SEMA6D: variants seen among roughly 807,000 people sequenced by gnomAD.
The protein encoded by SEMA6D is semaphorin 6D, also known as semaphorin-6D.
In SEMA6D, 35 loss-of-function variants were observed where a neutral mutation model predicts 106.6. The ratio of observed to expected loss-of-function variants is 0.33; its 90% CI spans 0.25 to 0.44. The LOEUF is 0.44. Ranked by LOEUF, SEMA6D falls within the 20% of genes least tolerant of loss-of-function variation. The probability of loss-of-function intolerance (pLI) is 1.00; values close to 1 mark genes in which losing one functional copy is unlikely to be tolerated. For synonymous variants in SEMA6D, 499 were observed against 487.7 expected (o/e 1.02, Z -0.31); for missense variants, 1,185 against 1,345.9 (o/e 0.88, Z 1.87).
intron 1 of SEMA6D, among the ~76,000 whole-genome samples, chr15:47,252,189 T>C (rs1479089917): frequency 1.3e-5 from 2 of 152,134 alleles, no homozygotes; most frequent in African/African-American, 4.8e-5. Context: ...AGTGCTGGGA[T>C]TACAGGCGTG....
intron 1 of SEMA6D, among the ~76,000 whole-genome samples, chr15:47,368,645 A>G (rs1351320894): frequency 1.3e-5 from 2 of 152,158 alleles, no homozygotes; most frequent in African/African-American, 4.8e-5. Context: ...ATTAGCCTTT[A>G]TTGAACTACA....
chr15:47,530,125 C>T (rs894868312), intron 3 of SEMA6D, among the ~76,000 whole-genome samples: 1 of 152,178 alleles, frequency 6.6e-6, no homozygotes, highest in Non-Finnish European at 1.5e-5. Context: ...TGAGAAGATG[C>T]TCTTTTGATG....
chr15:47,264,059 G>GC (rs200972325), intron 1 of SEMA6D, among the ~76,000 whole-genome samples: 1,795 of 151,972 alleles, frequency 0.012, 33 homozygotes, highest in Admixed American at 0.013. Context: ...CATGGATGAA[G>GC]CTGGAGACCA....
At chr15:47,460,500 A>G (rs1382131449) in intron 2 of SEMA6D, among the ~76,000 whole-genome samples, 4 of 152,110 alleles carry the variant, frequency 2.6e-5, no homozygotes, top group Non-Finnish European at 5.9e-5. Context: ...AAGGGAAATC[A>G]TATATCTGCT....
chr15:47,650,844 G>C (rs1259978391), intron 4 of SEMA6D, among the ~76,000 whole-genome samples: 1 of 152,018 alleles, frequency 6.6e-6, no homozygotes, highest in East Asian at 1.9e-4. Context: ...AGGAAATTAC[G>C]CTCAAATTTC....
intron 1 of SEMA6D, among the ~76,000 whole-genome samples, chr15:47,729,322 A>T (rs1225708395): frequency 6.6e-6 from 1 of 151,984 alleles, no homozygotes; most frequent in African/African-American, 2.4e-5. Flanking sequence ...GGAGTCGTTC[A>T]TTTATTTCTT....
At chr15:47,623,909 C>T (rs774766991) in intron 4 of SEMA6D, among the ~76,000 whole-genome samples, 1 of 152,106 alleles carries the variant, frequency 6.6e-6, no homozygotes, top group Non-Finnish European at 1.5e-5. Flanking sequence ...TCCCATGAAA[C>T]GAACTGAGAA....
At chr15:47,199,200 G>C (rs931593387) in intron 1 of SEMA6D, among the ~76,000 whole-genome samples, 3 of 152,098 alleles carry the variant, frequency 2.0e-5, no homozygotes, top group African/African-American at 7.2e-5. Flanking sequence ...TAGTTAAATA[G>C]ACCTATTGGC....
At chr15:47,729,589 G>C (rs1302240165) in intron 1 of SEMA6D, among the ~76,000 whole-genome samples, 2 of 152,160 alleles carry the variant, frequency 1.3e-5, no homozygotes, top group Non-Finnish European at 2.9e-5. Context: ...TGTCAGGTAA[G>C]ATCACCCCAC....
chr15:47,488,125 T>TTTTTACA (rs138048596), intron 3 of SEMA6D, among the ~76,000 whole-genome samples: 4,051 of 152,262 alleles, frequency 0.027, 176 homozygotes, highest in African/African-American at 0.093. Flanking sequence ...GTCATACTGT[T>TTTTTACA]TTTTACATTT....
intron 3 of SEMA6D, among the ~76,000 whole-genome samples, chr15:47,558,182 T>C (rs575766035): frequency 5.9e-5 from 9 of 152,254 alleles, no homozygotes; most frequent in African/African-American, 2.2e-4. Flanking sequence ...TCTGACTTCA[T>C]AGGATATACT....
chr15:47,457,915 C>G (rs1238402402), intron 2 of SEMA6D, among the ~76,000 whole-genome samples: 1 of 151,526 alleles, frequency 6.6e-6, no homozygotes, highest in African/African-American at 2.4e-5. Flanking sequence ...AAAAAAAAGT[C>G]GCAATGAATA....
At position 47,696,011 on chromosome 15, in the gene SEMA6D, T is replaced by G. The variant is rs1245948151; in HGVS notation, c.-54-63734T>G. Among the ~76,000 whole-genome samples, 3 of 152,228 alleles carry G rather than the reference T, an allele frequency of 2.0e-5. No individual in the cohort carries two copies. The East Asian group carries it at 5.8e-4, about 29-fold the overall frequency. ...AAACATATTTACCGATGTGCATGTA[T>G]GTTTATGCCGTTTAATTCTCTCCTT... On this transcript the variant is annotated intron_variant, in intron 4 of 19. Transcript: ENST00000558014.
At chr15:47,746,493 A>G (rs1410843743) in intron 1 of SEMA6D, among the ~76,000 whole-genome samples, 1 of 152,152 alleles carries the variant, frequency 6.6e-6, no homozygotes, top group Non-Finnish European at 1.5e-5. Context: ...GGTATTGTTC[A>G]TTTATTTGAA....
chr15:47,694,960 G>T (rs1033637118), intron 4 of SEMA6D, among the ~76,000 whole-genome samples: 4 of 152,180 alleles, frequency 2.6e-5, no homozygotes, highest in African/African-American at 7.2e-5. Context: ...CCATAGGCAT[G>T]TGAGCAGGGC....
chr15:47,231,884 A>G (rs1301125818), intron 1 of SEMA6D, among the ~76,000 whole-genome samples: 4 of 152,058 alleles, frequency 2.6e-5, no homozygotes, highest in Non-Finnish European at 4.4e-5. Context: ...TAAGAATTTT[A>G]AAGTATGAAT....
At chr15:47,587,009 G>A (rs1213642174) in intron 3 of SEMA6D, among the ~76,000 whole-genome samples, 1 of 151,598 alleles carries the variant, frequency 6.6e-6, no homozygotes, top group African/African-American at 2.4e-5. Flanking sequence ...AAGTCTCCAG[G>A]GAGTCTGGGT....
chr15:47,404,408 C>T (rs559362181), intron 1 of SEMA6D, among the ~76,000 whole-genome samples: 16 of 150,810 alleles, frequency 1.1e-4, no homozygotes, highest in Admixed American at 4.7e-4. Context: ...ACCTGAAATT[C>T]AGCTAGATTC....
At chr15:47,745,251 G>T (rs943959473) in intron 1 of SEMA6D, among the ~76,000 whole-genome samples, 1 of 152,216 alleles carries the variant, frequency 6.6e-6, no homozygotes, top group African/African-American at 2.4e-5. Context: ...TGCTTACCAT[G>T]TGCCAGGATC....
Sources: gnomAD v4.1 joint callset for allele counts (sites outside exome capture counted in the v4.1 genomes callset) on GRCh38, gnomAD v4.1.1 for gene constraint, MANE v1.5 for transcripts, NCBI Gene and HGNC (gene_info 2026-07-23, HGNC 2026-07-21) for gene names.